Variants in CDKN3 observed in about 807,000 individuals in gnomAD.
The protein encoded by CDKN3 is cyclin dependent kinase inhibitor 3.
Under a neutral mutation model 36.1 loss-of-function variants are expected in CDKN3, and 19 were observed. The observed-to-expected ratio is 0.53, with a 90% CI of 0.37 to 0.77. The LOEUF is 0.77. CDKN3 is among the 30% of genes least tolerant of loss of function. The pLI, the probability that CDKN3 is intolerant of heterozygous loss-of-function variation, is 0.00. For synonymous variants in CDKN3, 71 were observed against 85.3 expected (o/e 0.83, Z 0.92); for missense variants, 188 against 248.6 (o/e 0.76, Z 1.64).
At chr14:54,419,955 T>C in intron 7 of CDKN3, 37 bp from the exon 8 acceptor site, 2 of 1,224,800 alleles carry the variant, frequency 1.6e-6, no homozygotes, top group Non-Finnish European at 2.4e-6. Flanking sequence ...TAACTAGTTT[T>C]CTACAGTGTA....
At chr14:54,406,853 A>G (rs1021412742) in intron 3 of CDKN3, among the ~76,000 whole-genome samples, 1 of 151,584 alleles carries the variant, frequency 6.6e-6, no homozygotes, top group African/African-American at 2.4e-5. Context: ...AGTTCATCAA[A>G]CTCATTCTCT....
At chr14:54,419,948 C>G (rs750852005) in intron 7 of CDKN3, 44 bp from the exon 8 acceptor site, 2 of 1,102,340 alleles carry the variant, frequency 1.8e-6, no homozygotes, top group South Asian at 2.5e-5. Context: ...ACACTGATAA[C>G]TAGTTTTCTA....
At chr14:54,401,256 G>A (rs1432354672) in intron 2 of CDKN3, among the ~76,000 whole-genome samples, 2 of 152,152 alleles carry the variant, frequency 1.3e-5, no homozygotes, top group East Asian at 3.8e-4. Flanking sequence ...GGGATCATAG[G>A]CATGAGCCAC....
intron 5 of CDKN3, chr14:54,413,960 C>T: frequency 2.5e-6 from 1 of 400,782 alleles, no homozygotes; most frequent in Non-Finnish European, 3.8e-6. Flanking sequence ...CCCTCTGAGA[C>T]TGAGGAGAGT....
rs9707411 is a variant in CDKN3, at chr14:54,406,137, A to C, written c.149-2608A>C. On this transcript the variant is annotated intron_variant, in intron 3 of 7. Transcript: ENST00000335183. ...GATATGAAATTCTGGGTTGAAAATT[A>C]TTTTCTTTAAGAATGTTGAATATTG... is the stretch of plus-strand genomic sequence containing the variant. Among the ~76,000 whole-genome samples, 1,029 of 152,084 alleles carry C rather than the reference A, an allele frequency of 6.8e-3. 11 individuals are homozygous for C. Among genetic ancestry groups the C allele is most frequent in the African/African-American group, 0.023 (954 of 41,472 alleles).
chr14:54,409,694 A>T (rs1299883568), intron 4 of CDKN3, among the ~76,000 whole-genome samples: 1 of 151,866 alleles, frequency 6.6e-6, no homozygotes, highest in East Asian at 2.0e-4. Context: ...TTAACTGGGC[A>T]TGATGGCGCG....
intron 1 of CDKN3, among the ~76,000 whole-genome samples, 181 bp downstream of exon 1, chr14:54,397,258 G>T (rs2139960834): frequency 6.6e-6 from 1 of 152,386 alleles, no homozygotes; most frequent in East Asian, 1.9e-4. Context: ...AGACGAAGGA[G>T]CAGGGTCGGT....
At position 54,411,282 on chromosome 14, in the gene CDKN3, A is replaced by G. The variant is rs142858049; in HGVS notation, c.194-202A>G. ...AATTGACTTATTTTGAAATTCAGTA[A>G]AAGGCATTTTGACTTGTAATATGAG... is the stretch of plus-strand genomic sequence containing the variant. On this transcript the variant is annotated intron_variant, in intron 4 of 7. Transcript: ENST00000335183. 1.6e-3 allele frequency: 822 copies of G among 515,956 alleles called. 4 individuals are homozygous for G. Among genetic ancestry groups the G allele is most frequent in the African/African-American group, 0.014 (721 of 51,286 alleles). 32.0% of individuals were successfully genotyped at this position (515,956 alleles called of 1,614,324 possible). A position where few individuals can be genotyped will look rare whatever the true frequency, so the allele number is the denominator to read the frequency against.
chr14:54,406,718 T>C (rs1175871208), intron 3 of CDKN3, among the ~76,000 whole-genome samples: 1 of 148,552 alleles, frequency 6.7e-6, no homozygotes, highest in Non-Finnish European at 1.5e-5. Flanking sequence ...TCTAAACTGG[T>C]TATTATAGTT....
At chr14:54,401,668 G>A in intron 3 of CDKN3, 89 bp downstream of exon 3, 3 of 957,846 alleles carry the variant, frequency 3.1e-6, no homozygotes, top group Non-Finnish European at 4.7e-6. Context: ...GACAGGTGGT[G>A]TTTGGTTACA....
In CDKN3 at chr14:54,411,527, C is replaced by T; in HGVS notation, c.237C>T (p.Cys79=). ...SCGIQDIFVF[C]TRGELSKYRV... is the part of the protein sequence containing the mutation. ...GTATACAAGACATATTTGTTTTCTG[C>T]ACCAGAGGGGAACTGTCAAAATATA... Residue 79 remains cysteine (C), a synonymous_variant, in exon 5 of 8, where the codon TGC becomes TGT. Transcript: ENST00000335183. 6.2e-7 allele frequency: 1 copy of T among 1,613,946 alleles called. No homozygotes were observed. The highest frequency in any genetic ancestry group is 2.2e-5 in the East Asian group (1 of 44,868).
chr14:54,398,623 G>A (rs1283523935), intron 1 of CDKN3, among the ~76,000 whole-genome samples: 1 of 152,204 alleles, frequency 6.6e-6, no homozygotes, highest in African/African-American at 2.4e-5. Context: ...CAACTAGGGA[G>A]TGAGAAAAGG....
intron 5 of CDKN3, among the ~76,000 whole-genome samples, chr14:54,412,032 A>G (rs1360574908): frequency 6.6e-6 from 1 of 152,136 alleles, no homozygotes; most frequent in African/African-American, 2.4e-5. Context: ...CCTCATCACC[A>G]TCACTGCCTC....
In CDKN3 at chr14:54,420,177, A is replaced by C; in HGVS notation, c.*99A>C. ...CCACCAGTGTTATCAACTTGAATGT[A>C]AATGTACATGTGCAGATATTCCTAA... On this transcript the variant is annotated 3_prime_UTR_variant, in exon 8 of 8. Coordinates refer to ENST00000335183, the MANE Select transcript of CDKN3 (RefSeq NM_005192.4). The C allele has an allele frequency of 1.5e-6, 1 of 667,014 alleles. No homozygotes were observed. Among genetic ancestry groups the C allele is most frequent in the South Asian group, 2.1e-5 (1 of 46,732 alleles). The allele number at this position is 667,014 out of a possible 1,614,324, so 41.3% of individuals were successfully genotyped here. A position where few individuals can be genotyped will look rare whatever the true frequency, so the allele number is the denominator to read the frequency against.
intron 3 of CDKN3, among the ~76,000 whole-genome samples, chr14:54,404,723 C>T (rs1247068759): frequency 1.3e-5 from 2 of 152,100 alleles, no homozygotes; most frequent in East Asian, 1.9e-4. Flanking sequence ...TACAGGCACC[C>T]ACCACCACAC....
chr14:54,408,873 G>GTT, intron 4 of CDKN3, 84 bp downstream of exon 4: 2 of 1,417,220 alleles, frequency 1.4e-6, no homozygotes, highest in East Asian at 2.7e-5. Context: ...GAACAAATCA[G>GTT]TTTTTTTTTA....
At chr14:54,415,753 T>A (rs897721254) in intron 5 of CDKN3, 146 bp from the exon 6 acceptor site, 1 of 698,208 alleles carries the variant, frequency 1.4e-6, no homozygotes, top group Non-Finnish European at 2.5e-6. Flanking sequence ...CTCAGTTGAT[T>A]AAATCAAAAA....
At position 54,397,033 on chromosome 14, in the gene CDKN3, G is replaced by A. The variant is rs1304798992; in HGVS notation, c.-36G>A. The A allele has an allele frequency of 3.4e-6, 5 of 1,477,510 alleles. No homozygotes were observed. Among genetic ancestry groups the A allele is most frequent in the African/African-American group, 1.5e-5 (1 of 68,854 alleles). The allele number at this position is 1,477,510 out of a possible 1,614,324, so 91.5% of individuals were successfully genotyped here. On this transcript the variant is annotated 5_prime_UTR_variant, in exon 1 of 8. Transcript: ENST00000335183. The stretch of plus-strand genomic sequence containing the variant: ...CCGGTGAGTCGCCGGCGCTGCAGAG[G>A]GAGGCGGCACTGGTCTCGACGTGGG...
chr14:54,407,320 G>A (rs1422533039), intron 3 of CDKN3, among the ~76,000 whole-genome samples: 3 of 152,230 alleles, frequency 2.0e-5, no homozygotes, highest in Non-Finnish European at 2.9e-5. Flanking sequence ...GAGGCGCGGG[G>A]TTCAGGGACC....
Sources: gnomAD v4.1 joint callset for allele counts (sites outside exome capture counted in the v4.1 genomes callset) on GRCh38, gnomAD v4.1.1 for gene constraint, MANE v1.5 for transcripts, NCBI Gene and HGNC (gene_info 2026-07-23, HGNC 2026-07-21) for gene names.